Variants in SDK2 observed in about 807,000 individuals in gnomAD.
SDK2 encodes sidekick cell adhesion molecule 2.
A neutral mutation model predicts 253.9 loss-of-function variants in SDK2; 105 were observed. The ratio of observed to expected loss-of-function variants is 0.41; its 90% CI spans 0.35 to 0.49. The LOEUF is 0.49. Among genes scored for constraint, SDK2 ranks in the 20% least tolerant of loss-of-function variants. SDK2 has a pLI of 0.06. For synonymous variants in SDK2, 1,249 were observed against 1,234.9 expected (o/e 1.01, Z -0.24); for missense variants, 2,608 against 3,003.0 (o/e 0.87, Z 3.07).
intron 1 of SDK2, among the ~76,000 whole-genome samples, chr17:73,614,788 T>C (rs1192526496): frequency 9.6e-6 from 1 of 103,632 alleles, no homozygotes; most frequent in African/African-American, 3.9e-5. Context: ...GGGACAAGGA[T>C]TGAAAAGGGG....
intron 5 of SDK2, among the ~76,000 whole-genome samples, chr17:73,442,408 C>A (rs564355164): frequency 2.0e-5 from 3 of 151,740 alleles, no homozygotes; most frequent in Admixed American, 2.0e-4. Context: ...GTGGCACGAT[C>A]TCGGCTCACC....
At chr17:73,389,494 A>C (rs2062909056) in intron 29 of SDK2, among the ~76,000 whole-genome samples, 1 of 151,514 alleles carries the variant, frequency 6.6e-6, no homozygotes, top group Non-Finnish European at 1.5e-5. Flanking sequence ...TATAGCTAAT[A>C]TTTCTATGTT....
At position 73,435,704 on chromosome 17, in the gene SDK2, G is replaced by A. The variant is rs2063363068; in HGVS notation, c.1001-60C>T. 6.9e-7 allele frequency: 1 copy of A among 1,444,428 alleles called. No homozygotes were observed. Among genetic ancestry groups the A allele is most frequent in the African/African-American group, 1.4e-5 (1 of 70,938 alleles). The allele number at this position is 1,444,428 out of a possible 1,614,324, so 89.5% of individuals were successfully genotyped here. Reference sequence around the variant, plus strand: ...CTCCTGCCTCCTCTCCGCCTAGGAGGGGTGCTTGGGAGGAGGCCGGGCCCG... The same window carrying A: ...CTCCTGCCTCCTCTCCGCCTAGGAGAGGTGCTTGGGAGGAGGCCGGGCCCG... On this transcript the variant is annotated intron_variant, in intron 8 of 44. Transcript: ENST00000392650. This position sits in a 1 kb window ranked among gnomAD's most constrained non-coding sequence, Gnocchi z 5.7.
At chr17:73,340,999 G>A (rs966857477) in intron 44 of SDK2, among the ~76,000 whole-genome samples, 2 of 149,758 alleles carry the variant, frequency 1.3e-5, no homozygotes, top group Non-Finnish European at 1.5e-5. Context: ...CCACCTCGGC[G>A]TCCCAAAGTG....
intron 1 of SDK2, among the ~76,000 whole-genome samples, chr17:73,566,872 TAA>T (rs58337324): frequency 1.6e-4 from 20 of 128,294 alleles, no homozygotes; most frequent in Admixed American, 2.4e-4. Context: ...CACTTATAAT[TAA>T]AAAAAAAAAA....
chr17:73,421,525 G>C (rs1242807078), intron 15 of SDK2, among the ~76,000 whole-genome samples: 1 of 150,006 alleles, frequency 6.7e-6, no homozygotes, highest in Non-Finnish European at 1.5e-5. Flanking sequence ...GGGTATCACC[G>C]TGTGATGTTT....
chr17:73,359,729 T>G (rs961198246), intron 39 of SDK2, among the ~76,000 whole-genome samples: 1 of 152,190 alleles, frequency 6.6e-6, no homozygotes, highest in Non-Finnish European at 1.5e-5. Flanking sequence ...CACTGCAGCC[T>G]CCACCTCCTG....
chr17:73,431,417 C>G lies in SDK2; in HGVS notation c.1480+85G>C, dbSNP rs1041195505. ...ACACTGGTGGTATGAGCCTGTGCCC[C>G]GTAGCTGTCCTGAGTCCTCAGCACC... On this transcript the variant is annotated intron_variant, in intron 11 of 44. Coordinates refer to ENST00000392650, the MANE Select transcript of SDK2 (RefSeq NM_001144952.2). The surrounding 1 kb of genome is among the most constrained non-coding windows in gnomAD (Gnocchi z 5.6). 5.2e-6 allele frequency: 7 copies of G among 1,342,938 alleles called. No homozygotes were observed. The highest frequency in any genetic ancestry group is 6.1e-6 in the Non-Finnish European group (6 of 984,602). 83.2% of individuals were successfully genotyped at this position (1,342,938 alleles called of 1,614,324 possible).
chr17:73,614,595 GGATTGAAAAGGCGGAGGGAGGGAGGAGC>G, intron 1 of SDK2, among the ~76,000 whole-genome samples: 1 of 83,818 alleles, frequency 1.2e-5, no homozygotes, highest in Non-Finnish European at 2.2e-5. Context: ...AGGGGCATAA[GGATTGAAAAGGCGGAGGGAGGGAGGAGC>G]ACAAGGATTG....
At chr17:73,579,174 C>A (rs2045498665) in intron 1 of SDK2, among the ~76,000 whole-genome samples, 1 of 152,178 alleles carries the variant, frequency 6.6e-6, no homozygotes, top group Admixed American at 6.5e-5. Context: ...GCCACCTCTG[C>A]CTGCCCCTTC....
Position 73,338,738 on chromosome 17 carries a change from T to C in SDK2, c.6368A>G (p.Gln2123Arg), listed in dbSNP as rs1431039767. The C allele has an allele frequency of 1.1e-5, 18 of 1,613,408 alleles. No homozygotes were observed. The highest frequency in any genetic ancestry group is 1.5e-5 in the Non-Finnish European group (18 of 1,179,734). ...GGCCTTGGGCCGAAAGAGGCTGCCC[T>C]GCTGGGTGCTGGTGCTGTTGGTGAC... Reference protein sequence around the residue: ...TTVTNSTSTQQGSLFRPKASR... With the variant: ...TTVTNSTSTQRGSLFRPKASR... The change falls in exon 45 of 45, where the codon CAG becomes CGG. Residue 2123 changes from glutamine to arginine, a missense_variant. By Grantham distance (43) the Gln-to-Arg change is conservative. This residue lies in a region of SDK2 where 1,103 missense variants were observed against 1,143.9 expected (regional missense o/e 0.96). Coordinates refer to ENST00000392650, the MANE Select transcript of SDK2 (RefSeq NM_001144952.2). The surrounding 1 kb of genome is among the most constrained non-coding windows in gnomAD (Gnocchi z 5.0).
chr17:73,426,809 G>A (rs184655752), intron 12 of SDK2, among the ~76,000 whole-genome samples: 5 of 152,216 alleles, frequency 3.3e-5, no homozygotes, highest in Admixed American at 2.0e-4. Flanking sequence ...TATGGGGGCC[G>A]GGCGCGGTGG....
Position 73,629,366 on chromosome 17 carries a change from C to T in SDK2, c.64+14659G>A, listed in dbSNP as rs549354520. ...GTTTAAGCTGCTGTTTCCCTCCTGA[C>T]GCTTGCATAGCTTCTATGAGATGGT... On this transcript the variant is annotated intron_variant, in intron 1 of 44. Coordinates refer to ENST00000392650, the MANE Select transcript of SDK2 (RefSeq NM_001144952.2). This position sits in a 1 kb window ranked among gnomAD's most constrained non-coding sequence, Gnocchi z 5.0. Among the ~76,000 whole-genome samples, 42 of 152,274 alleles carry T rather than the reference C, an allele frequency of 2.8e-4. No individual in the cohort carries two copies. The highest frequency in any genetic ancestry group is 8.2e-4 in the African/African-American group (34 of 41,550).
intron 22 of SDK2, 78 bp downstream of exon 22, chr17:73,399,090 A>G (rs1018033679): frequency 6.1e-6 from 9 of 1,475,500 alleles, no homozygotes; most frequent in South Asian, 1.2e-5. Context: ...CACAGGCCGA[A>G]ATACACATAA....
chr17:73,528,634 T>G (rs1180037428), intron 1 of SDK2, among the ~76,000 whole-genome samples: 2 of 152,186 alleles, frequency 1.3e-5, no homozygotes, highest in Admixed American at 1.3e-4. Flanking sequence ...TGTTCTCCAC[T>G]GTGATCCCCT....
At chr17:73,554,372 T>A (rs900996619) in intron 1 of SDK2, among the ~76,000 whole-genome samples, 1 of 152,176 alleles carries the variant, frequency 6.6e-6, no homozygotes, top group African/African-American at 2.4e-5. Flanking sequence ...GGAGATAGGA[T>A]CTTTACAGAG....
At chr17:73,601,831 C>T (rs2045845722) in intron 1 of SDK2, among the ~76,000 whole-genome samples, 1 of 152,100 alleles carries the variant, frequency 6.6e-6, no homozygotes, top group South Asian at 2.1e-4. Context: ...GCAGCCTCCG[C>T]CTCCTGGGTT....
chr17:73,350,128 G>A, intron 43 of SDK2, 109 bp downstream of exon 43: 1 of 742,598 alleles, frequency 1.3e-6, no homozygotes, highest in South Asian at 3.0e-5. Flanking sequence ...GTGTTTCCCA[G>A]GACAAGGTAT....
chr17:73,462,177 A>G (rs923741102), intron 3 of SDK2, among the ~76,000 whole-genome samples: 6 of 152,042 alleles, frequency 3.9e-5, no homozygotes, highest in African/African-American at 1.4e-4. Context: ...ATATGTGTAC[A>G]TGTATAGTGG....
Sources: allele counts gnomAD v4.1 joint callset (sites outside exome capture counted in the v4.1 genomes callset), GRCh38; gene constraint gnomAD v4.1.1; regional missense constraint gnomAD v4.1.1; non-coding constraint Gnocchi (gnomAD v3.1); transcripts MANE v1.5; gene names NCBI Gene and HGNC (gene_info 2026-07-23, HGNC 2026-07-21).